The following TANGO2 variants were observed in gnomAD, a reference collection of about 807,000 sequenced individuals.
TANGO2 encodes transport and Golgi organization protein 2 homolog.
Under a neutral mutation model 39.1 loss-of-function variants are expected in TANGO2, and 26 were observed. The observed-to-expected ratio is 0.67, with a 90% CI of 0.49 to 0.92. The LOEUF is 0.92. TANGO2 is among the 40% of genes least tolerant of loss of function. TANGO2 has a pLI of 0.00. For missense variants in TANGO2, 326 were observed against 360.1 expected (o/e 0.91, Z 0.77); for synonymous variants, 131 against 144.5 (o/e 0.91, Z 0.67).
intron 1 of TANGO2, among the ~76,000 whole-genome samples, chr22:20,029,016 G>A (rs141004968): frequency 2.4e-3 from 364 of 152,382 alleles, no homozygotes; most frequent in African/African-American, 8.5e-3. Context: ...CCTGGCTGGG[G>A]TCACTGCTGC....
chr22:20,029,312 C>T (rs757685802), intron 1 of TANGO2, among the ~76,000 whole-genome samples: 2 of 152,148 alleles, frequency 1.3e-5, no homozygotes, highest in East Asian at 1.9e-4. Context: ...GGACGGTGCA[C>T]GCTGGGAGAG....
At chr22:20,050,683 A>C in intron 3 of TANGO2, among the ~76,000 whole-genome samples, 1 of 144,974 alleles carries the variant, frequency 6.9e-6, no homozygotes. Flanking sequence ...TTTTAATCAC[A>C]CTAAGGATTT....
At chr22:20,051,107 C>A (rs1309693649) in intron 3 of TANGO2, among the ~76,000 whole-genome samples, 1 of 151,530 alleles carries the variant, frequency 6.6e-6, no homozygotes. Flanking sequence ...GTGATCTGCC[C>A]GCCTCGGCCT....
rs536544913 is a variant in TANGO2, at chr22:20,065,188, C to A, written c.*526C>A. 6.4e-6 allele frequency: 1 copy of A among 155,534 alleles called. No homozygotes were observed. The highest frequency in any genetic ancestry group is 1.4e-5 in the Non-Finnish European group (1 of 70,024). The allele number at this position is 155,534 out of a possible 1,614,324, so 9.6% of individuals were successfully genotyped here. On this transcript the variant is annotated 3_prime_UTR_variant, in exon 9 of 9. Coordinates refer to ENST00000327374, the MANE Select transcript of TANGO2 (RefSeq NM_152906.7). ...CCAGTAGGTCTTTGTTCTGGTCCAA[C>A]GACAGGAGTAGGCTTGTATTTAAAA...
intron 5 of TANGO2, chr22:20,054,712 G>A (rs926562845): frequency 2.0e-5 from 3 of 153,474 alleles, no homozygotes; most frequent in Non-Finnish European, 4.3e-5. Context: ...GCTGGAGGGC[G>A]GGGGCATCGG....
intron 5 of TANGO2, chr22:20,055,728 T>C: frequency 5.0e-6 from 3 of 604,906 alleles, no homozygotes; most frequent in South Asian, 3.9e-5. Context: ...CGAGGTGAGC[T>C]GGGAACATAC....
At chr22:20,022,872 A>G (rs1449607061) in intron 1 of TANGO2, among the ~76,000 whole-genome samples, 1 of 152,108 alleles carries the variant, frequency 6.6e-6, no homozygotes, top group Non-Finnish European at 1.5e-5. Flanking sequence ...TGTCATTGAC[A>G]CTCCAGATGC....
At chr22:20,056,931 G>T (rs1267927786) in intron 6 of TANGO2, 1 of 456,552 alleles carries the variant, frequency 2.2e-6, no homozygotes, top group Non-Finnish European at 4.4e-6. Context: ...AGGGTGTTCC[G>T]GCGCCTGGGG....
chr22:20,037,207 T>C, intron 2 of TANGO2: 4 of 1,261,446 alleles, frequency 3.2e-6, no homozygotes, highest in Non-Finnish European at 4.3e-6. Context: ...CAGCTTGGGC[T>C]GGCGGGTCAC....
intron 1 of TANGO2, among the ~76,000 whole-genome samples, chr22:20,035,657 G>A (rs993149435): frequency 5.3e-5 from 8 of 152,166 alleles, no homozygotes; most frequent in African/African-American, 1.9e-4. Flanking sequence ...TGGGGCCTTC[G>A]GGTCCTGTGG....
At chr22:20,035,987 C>T (rs1188649014) in intron 1 of TANGO2, among the ~76,000 whole-genome samples, 1 of 152,092 alleles carries the variant, frequency 6.6e-6, no homozygotes, top group African/African-American at 2.4e-5. Context: ...TTGCCTTCAC[C>T]CGAACCAAAG....
intron 3 of TANGO2, among the ~76,000 whole-genome samples, chr22:20,044,322 A>G (rs2044646190): frequency 6.6e-6 from 1 of 152,184 alleles, no homozygotes; most frequent in Admixed American, 6.5e-5. Flanking sequence ...CAGGAGTTCA[A>G]GACCAGTCTG....
At chr22:20,041,513 C>A (rs970718438) in intron 2 of TANGO2, among the ~76,000 whole-genome samples, 7 of 152,094 alleles carry the variant, frequency 4.6e-5, no homozygotes, top group Non-Finnish European at 1.0e-4. Context: ...GGGGTTTTAC[C>A]GTGTTAGCCA....
At chr22:20,035,353 T>C (rs1050189581) in intron 1 of TANGO2, among the ~76,000 whole-genome samples, 2 of 152,230 alleles carry the variant, frequency 1.3e-5, no homozygotes, top group African/African-American at 4.8e-5. Context: ...GAGGAATCTT[T>C]TTGGGTCTCT....
intron 1 of TANGO2, among the ~76,000 whole-genome samples, chr22:20,029,715 C>T (rs1405387116): frequency 1.3e-5 from 2 of 152,196 alleles, no homozygotes; most frequent in East Asian, 3.9e-4. Flanking sequence ...TGACTGTCCC[C>T]CTCTTACCTC....
intron 6 of TANGO2, among the ~76,000 whole-genome samples, chr22:20,060,367 A>T (rs556235198): frequency 6.6e-6 from 1 of 151,226 alleles, no homozygotes; most frequent in Non-Finnish European, 1.5e-5. Context: ...AAAAAAAAAA[A>T]AGAGATCCTC....
intron 1 of TANGO2, among the ~76,000 whole-genome samples, chr22:20,026,029 A>G (rs918477126): frequency 6.6e-6 from 1 of 152,228 alleles, no homozygotes; most frequent in Non-Finnish European, 1.5e-5. Flanking sequence ...ACCTAAGGAC[A>G]ATTGGCTGTG....
intron 4 of TANGO2, 135 bp from the exon 5 acceptor site, chr22:20,053,302 G>C: frequency 3.2e-6 from 2 of 630,878 alleles, no homozygotes; most frequent in Admixed American, 2.5e-5. Flanking sequence ...GACTCTTGCG[G>C]CAGTCATGAC....
upstream of TANGO2, among the ~76,000 whole-genome samples, chr22:20,019,849 A>G (rs1158129230): frequency 1.3e-5 from 2 of 152,184 alleles, no homozygotes; most frequent in Non-Finnish European, 2.9e-5. Context: ...GGGAGAGACA[A>G]CCATGTCTGG....
Sources: gnomAD v4.1 joint callset for allele counts (sites outside exome capture counted in the v4.1 genomes callset) on GRCh38, gnomAD v4.1.1 for gene constraint, MANE v1.5 for transcripts, NCBI Gene and HGNC (gene_info 2026-07-23, HGNC 2026-07-21) for gene names.